Variants in CYP2C19 observed in about 807,000 individuals in gnomAD.
The protein encoded by CYP2C19 is cytochrome P450 2C19.
In CYP2C19, 59 loss-of-function variants were observed where a neutral mutation model predicts 40.9. The observed-to-expected ratio is 1.44, with a 90% CI of 1.17 to 1.79. The LOEUF is 1.79. Ranked by LOEUF, CYP2C19 falls within the 40% of genes most tolerant of loss-of-function variation. CYP2C19 has a pLI of 0.00. For synonymous variants in CYP2C19, 253 were observed against 208.7 expected (o/e 1.21, Z -1.83); for missense variants, 754 against 596.9 (o/e 1.26, Z -2.74).
At chr10:94,763,470 T>A (rs1296983302) in intron 1 of CYP2C19, among the ~76,000 whole-genome samples, 8 of 152,046 alleles carry the variant, frequency 5.3e-5, no homozygotes, top group Non-Finnish European at 8.8e-5. Context: ...AGAAAGAGGG[T>A]TAGAAGATGT....
chr10:94,797,254 T>C (rs1366608193), intron 5 of CYP2C19, among the ~76,000 whole-genome samples: 2 of 152,238 alleles, frequency 1.3e-5, no homozygotes, highest in Admixed American at 1.3e-4. Context: ...GATAATCATG[T>C]GGTTTTTGTC....
chr10:94,852,404 A>G (rs559936887), intron 8 of CYP2C19, among the ~76,000 whole-genome samples: 5 of 152,344 alleles, frequency 3.3e-5, no homozygotes, highest in African/African-American at 9.6e-5. Flanking sequence ...ATGTTTCTCA[A>G]GAAAGATTTT....
At chr10:94,828,066 G>T (rs1849259892) in intron 6 of CYP2C19, among the ~76,000 whole-genome samples, 1 of 152,018 alleles carries the variant, frequency 6.6e-6, no homozygotes, top group African/African-American at 2.4e-5. Context: ...CATTTGCTGA[G>T]GAGAGCTTTA....
At chr10:94,828,238 G>T (rs1296653029) in intron 6 of CYP2C19, among the ~76,000 whole-genome samples, 2 of 151,316 alleles carry the variant, frequency 1.3e-5, no homozygotes, top group Non-Finnish European at 3.0e-5. Context: ...CTGTCTCGTT[G>T]ATCTGTCTAA....
At chr10:94,768,788 A>G (rs1220283373) in intron 1 of CYP2C19, among the ~76,000 whole-genome samples, 3 of 152,110 alleles carry the variant, frequency 2.0e-5, no homozygotes, top group Non-Finnish European at 4.4e-5. Context: ...GGACTCCAAG[A>G]GGTATCCCTG....
intron 5 of CYP2C19, among the ~76,000 whole-genome samples, chr10:94,809,806 G>A (rs1848887515): frequency 5.3e-5 from 8 of 152,044 alleles, no homozygotes; most frequent in Admixed American, 5.2e-4. Flanking sequence ...GGCCTTTTCT[G>A]CATCTATTCA....
At chr10:94,844,317 T>C (rs75698790) in intron 7 of CYP2C19, among the ~76,000 whole-genome samples, 1 of 152,216 alleles carries the variant, frequency 6.6e-6, no homozygotes, top group Non-Finnish European at 1.5e-5. Flanking sequence ...CCATCGGCAG[T>C]CATAATGACA....
chr10:94,813,898 C>G (rs1485751230), intron 5 of CYP2C19, among the ~76,000 whole-genome samples: 1 of 151,320 alleles, frequency 6.6e-6, no homozygotes, highest in Non-Finnish European at 1.5e-5. Context: ...GCTTGAAACC[C>G]AGGGCCCTGG....
chr10:94,782,129 T>C (rs1161304586), intron 5 of CYP2C19, 132 bp downstream of exon 5: 2 of 586,442 alleles, frequency 3.4e-6, no homozygotes, highest in East Asian at 3.4e-5. Flanking sequence ...GTTTTTATTG[T>C]ATGCATGAAT....
At chr10:94,841,257 G>A (rs1331955975) in intron 6 of CYP2C19, among the ~76,000 whole-genome samples, 1 of 152,286 alleles carries the variant, frequency 6.6e-6, no homozygotes, top group African/African-American at 2.4e-5. Context: ...ACAAACCCAG[G>A]CACTTAGCCA....
chr10:94,835,432 C>A (rs2134281182), intron 6 of CYP2C19, among the ~76,000 whole-genome samples: 1 of 152,272 alleles, frequency 6.6e-6, no homozygotes, highest in East Asian at 1.9e-4. Flanking sequence ...CATGAGGTTA[C>A]CCATTCTATT....
chr10:94,810,113 C>G (rs898693370), intron 5 of CYP2C19, among the ~76,000 whole-genome samples: 1 of 152,084 alleles, frequency 6.6e-6, no homozygotes, highest in African/African-American at 2.4e-5. Flanking sequence ...AACTCCTGAC[C>G]CTGTGATCCA....
chr10:94,791,530 G>A lies in CYP2C19; in HGVS notation c.819+9533G>A, dbSNP rs1047216649. Among the ~76,000 whole-genome samples the A allele has an allele frequency of 3.9e-5, 6 of 152,258 alleles. No individual in the cohort carries two copies. The South Asian group carries it at 6.2e-4, about 16-fold the overall frequency. On this transcript the variant is annotated intron_variant, in intron 5 of 8. Coordinates refer to ENST00000371321, the MANE Select transcript of CYP2C19 (RefSeq NM_000769.4). ...TGCTATAAATTTCCATCTACACACTGCTTTAAATGTGTCCCAGAAATTCTG... is the reference window on the plus strand; with the variant it reads ...TGCTATAAATTTCCATCTACACACTACTTTAAATGTGTCCCAGAAATTCTG...
intron 7 of CYP2C19, among the ~76,000 whole-genome samples, chr10:94,844,957 C>T (rs1021035356): frequency 1.8e-4 from 28 of 152,172 alleles, no homozygotes; most frequent in Admixed American, 1.8e-3. Context: ...CTTCATTCAC[C>T]CACCTGCAGG....
chr10:94,792,247 T>C (rs1413594515), intron 5 of CYP2C19, among the ~76,000 whole-genome samples: 1 of 152,198 alleles, frequency 6.6e-6, no homozygotes, highest in Non-Finnish European at 1.5e-5. Context: ...ATTTTGAGCC[T>C]ATGTGTGTCT....
rs768413985 is a variant in CYP2C19 at position 94,820,647 on chromosome 10, C to A, written c.961+10C>A. The A allele has an allele frequency of 1.2e-6, 2 of 1,614,112 alleles. No homozygotes were observed. The highest frequency in any genetic ancestry group is 1.7e-5 in the Admixed American group (1 of 60,012). On this transcript the variant is annotated intron_variant, in intron 6 of 8. Coordinates refer to ENST00000371321, the MANE Select transcript of CYP2C19 (RefSeq NM_000769.4). Reference sequence around the variant, plus strand: ...CACCCAGAGGTCACAGGTATGATCACAGAGGATGAGTTAATTGAGTTTTAG... The same window carrying A: ...CACCCAGAGGTCACAGGTATGATCAAAGAGGATGAGTTAATTGAGTTTTAG...
chr10:94,841,412 C>T (rs574429489), intron 6 of CYP2C19, among the ~76,000 whole-genome samples: 21 of 152,198 alleles, frequency 1.4e-4, no homozygotes, highest in South Asian at 8.3e-4. Context: ...CAGTGGTGGA[C>T]GGCGAGTGAA....
intron 6 of CYP2C19, among the ~76,000 whole-genome samples, chr10:94,833,682 A>G (rs1223221339): frequency 2.6e-5 from 4 of 152,196 alleles, no homozygotes; most frequent in Admixed American, 1.3e-4. Context: ...ATCATTCTCA[A>G]GTGTTTTTAA....
At chr10:94,811,815 T>C (rs1848929303) in intron 5 of CYP2C19, among the ~76,000 whole-genome samples, 1 of 151,944 alleles carries the variant, frequency 6.6e-6, no homozygotes, top group African/African-American at 2.4e-5. Context: ...CATTGATGGG[T>C]CTTGACTCTA....
Sources: allele counts gnomAD v4.1 joint callset (sites outside exome capture counted in the v4.1 genomes callset), GRCh38; gene constraint gnomAD v4.1.1; transcripts MANE v1.5; gene names NCBI Gene and HGNC (gene_info 2026-07-23, HGNC 2026-07-21).